PPIL4: variants seen among roughly 807,000 people sequenced by gnomAD.
PPIL4 encodes peptidylprolyl isomerase like 4.
In PPIL4, 50 loss-of-function variants were observed where a neutral mutation model predicts 69.1. The observed-to-expected ratio is 0.72, with a 90% CI of 0.58 to 0.92. The LOEUF is 0.92. PPIL4 is among the 40% of genes least tolerant of loss of function. PPIL4 has a pLI of 0.00. For missense variants in PPIL4, 480 were observed against 587.9 expected, an observed-to-expected ratio of 0.82 and a Z score of 1.90; for synonymous variants, 193 against 191.6, an observed-to-expected ratio of 1.01 and a Z score of -0.06.
chr6:149,535,604 C>T lies in PPIL4; in HGVS notation c.456G>A (p.Gln152=). Residue 152 remains glutamine (Q), a synonymous_variant, in exon 5 of 13, where the codon CAG becomes CAA. Transcript: ENST00000253329. Reference sequence around the variant, plus strand: ...GCAAATTGTAACCATACCTGATATCCTGATATGGTACAAAGTCCTTGTCAA... The same window carrying T: ...GCAAATTGTAACCATACCTGATATCTTGATATGGTACAAAGTCCTTGTCAA... The part of the protein sequence containing the change: ...TFVDKDFVPY[Q]DIRINHTVIL... 6.2e-7 allele frequency: 1 copy of T among 1,609,892 alleles called. No individual in the cohort carries two copies. Among genetic ancestry groups the T allele is most frequent in the South Asian group, 1.1e-5 (1 of 90,318 alleles).
At chr6:149,538,073 C>T (rs1273438312) in intron 4 of PPIL4, among the ~76,000 whole-genome samples, 1 of 151,850 alleles carries the variant, frequency 6.6e-6, no homozygotes. Context: ...CTGGCCAACA[C>T]AGTCAACATG....
intron 10 of PPIL4, among the ~76,000 whole-genome samples, chr6:149,519,993 C>T (rs1317107132): frequency 6.6e-4 from 100 of 152,234 alleles, no homozygotes; most frequent in Non-Finnish European, 2.9e-5. Flanking sequence ...ATGTATTTGA[C>T]ATATATGTAT....
At chr6:149,516,904 T>C in intron 11 of PPIL4, 1 of 152,616 alleles carries the variant, frequency 6.6e-6, no homozygotes, top group Non-Finnish European at 1.5e-5. Flanking sequence ...ATAATAAATT[T>C]CAGATTATGA....
chr6:149,514,774 G>A (rs1289071242), intron 11 of PPIL4, among the ~76,000 whole-genome samples: 2 of 151,466 alleles, frequency 1.3e-5, no homozygotes, highest in Non-Finnish European at 2.9e-5. Context: ...AAGTGTGTGT[G>A]TGTGTGTGTG....
intron 1 of PPIL4, among the ~76,000 whole-genome samples, 197 bp from the exon 2 acceptor site, chr6:149,541,783 G>A (rs1777367411): frequency 6.6e-6 from 1 of 152,200 alleles, no homozygotes; most frequent in East Asian, 1.9e-4. Context: ...GCGGAGGTGA[G>A]TGGATCACTT....
At chr6:149,520,581 G>GCACACA (rs34268228) in intron 10 of PPIL4, among the ~76,000 whole-genome samples, 1 of 149,638 alleles carries the variant, frequency 6.7e-6, no homozygotes, top group African/African-American at 2.5e-5. Context: ...GCATGTGTGT[G>GCACACA]CACACACACA....
chr6:149,545,549 A>G (rs1424395508), intron 1 of PPIL4, among the ~76,000 whole-genome samples: 1 of 152,084 alleles, frequency 6.6e-6, no homozygotes, highest in African/African-American at 2.4e-5. Flanking sequence ...TCAAGATTTA[A>G]CCGATTACAC....
chr6:149,530,370 G>A (rs1253795233), intron 7 of PPIL4, among the ~76,000 whole-genome samples: 3 of 152,054 alleles, frequency 2.0e-5, no homozygotes, highest in African/African-American at 4.8e-5. Flanking sequence ...AGTTAAGAAG[G>A]GAGGGCTCAG....
intron 4 of PPIL4, among the ~76,000 whole-genome samples, chr6:149,538,850 CTT>C (rs200357689): frequency 1.4e-5 from 2 of 145,056 alleles, no homozygotes. Context: ...GGTTTTCTTC[CTT>C]TTTTTTTTTT....
intron 7 of PPIL4, among the ~76,000 whole-genome samples, chr6:149,532,791 GAAC>G (rs1777218919): frequency 6.6e-6 from 1 of 152,070 alleles, no homozygotes; most frequent in African/African-American, 2.4e-5. Flanking sequence ...ACTCCAGCCT[GAAC>G]AACAGAGTGA....
intron 10 of PPIL4, among the ~76,000 whole-genome samples, chr6:149,518,316 T>C (rs1273063095): frequency 6.6e-6 from 1 of 152,146 alleles, no homozygotes; most frequent in Non-Finnish European, 1.5e-5. Flanking sequence ...TTTTCAAGTC[T>C]CCTACCAGAT....
intron 12 of PPIL4, among the ~76,000 whole-genome samples, chr6:149,509,684 A>T (rs1776814560): frequency 6.6e-6 from 1 of 152,194 alleles, no homozygotes; most frequent in African/African-American, 2.4e-5. Context: ...AGAGTTTAGG[A>T]AAGAAAACTG....
chr6:149,506,206 C>T (rs559438946), intron 12 of PPIL4, among the ~76,000 whole-genome samples: 3 of 152,250 alleles, frequency 2.0e-5, no homozygotes, highest in Non-Finnish European at 2.9e-5. Flanking sequence ...AGGCTGGATG[C>T]GGTGGCTCAC....
At position 149,525,131 on chromosome 6, in the gene PPIL4, AT is replaced by A; in HGVS notation, c.870+11del. 7.2e-7 allele frequency: 1 copy of A among 1,394,780 alleles called. No homozygotes were observed. Among genetic ancestry groups the A allele is most frequent in the Non-Finnish European group, 1.0e-6 (1 of 998,780 alleles). 86.4% of individuals were successfully genotyped at this position (1,394,780 alleles called of 1,614,324 possible). A position where few individuals can be genotyped will look rare whatever the true frequency, so the allele number is the denominator to read the frequency against. Reference sequence around the variant, plus strand: ...AAATAAATACCAAACTTATGTCTGTATTATGACATACCTTTTCAAATTCAAT... The same window carrying A: ...AAATAAATACCAAACTTATGTCTGTATATGACATACCTTTTCAAATTCAAT... On this transcript the variant is annotated intron_variant, in intron 9 of 12. Coordinates refer to ENST00000253329, the MANE Select transcript of PPIL4 (RefSeq NM_139126.4).
Position 149,545,955 on chromosome 6 carries a change from G to A in PPIL4, c.51C>T (p.Tyr17=), listed in dbSNP as rs1777434611. ...CCTCACCACGCGGCCGTTCTTCGGT[G>A]TACAAGTCGATGACGACGTCGCCTA... The part of the protein sequence containing the change: ...TTLGDVVIDL[Y]TEERPRACLN... Residue 17 remains tyrosine (Y), a synonymous_variant, in exon 1 of 13, where the codon TAC becomes TAT. Coordinates refer to ENST00000253329, the MANE Select transcript of PPIL4 (RefSeq NM_139126.4). 3 of 1,590,586 alleles carry A rather than the reference G, an allele frequency of 1.9e-6. No homozygotes were observed. The highest frequency in any genetic ancestry group is 2.6e-6 in the Non-Finnish European group (3 of 1,166,294).
At chr6:149,533,308 A>G (rs1016320490) in intron 7 of PPIL4, 150 bp downstream of exon 7, 12 of 566,334 alleles carry the variant, frequency 2.1e-5, no homozygotes, top group African/African-American at 5.7e-5. Flanking sequence ...AGTAGAGCCA[A>G]TTTATTACTA....
In PPIL4 at chr6:149,505,027, A is replaced by C. The variant is rs1256627795; in HGVS notation, c.*426T>G. The C allele has an allele frequency of 6.5e-6, 1 of 154,328 alleles. No homozygotes were observed. Among genetic ancestry groups the C allele is most frequent in the Non-Finnish European group, 1.4e-5 (1 of 69,588 alleles). 9.6% of individuals were successfully genotyped at this position (154,328 alleles called of 1,614,324 possible). ...AAACTATAATAGACAAATGACAAAC[A>C]CAAAATTCCAAATAATTATTTGAGA... On this transcript the variant is annotated 3_prime_UTR_variant, in exon 13 of 13. Coordinates refer to ENST00000253329, the MANE Select transcript of PPIL4 (RefSeq NM_139126.4).
In PPIL4 at chr6:149,535,619, G is replaced by C. The variant is rs115307830; in HGVS notation, c.441C>G (p.Asp147Glu). 6.8e-5 allele frequency: 109 copies of C among 1,612,374 alleles called. No individual in the cohort carries two copies. In the African/African-American group the frequency reaches 1.3e-3, roughly 20 times the overall value. ...ACCTGATATCCTGATATGGTACAAA[G>C]TCCTTGTCAACAAAGGTCTCATTAA... ...KKINETFVDK[D>E]FVPYQDIRIN... The change falls in exon 5 of 13, where the codon GAC (aspartate) becomes GAG (glutamate). Residue 147 changes from aspartate to glutamate, a missense_variant. Physicochemically the swap from Asp to Glu is conservative, Grantham distance 45. Transcript: ENST00000253329.
At chr6:149,520,583 A>G (rs200078802) in intron 10 of PPIL4, among the ~76,000 whole-genome samples, 22 of 87,890 alleles carry the variant, frequency 2.5e-4, no homozygotes, top group African/African-American at 4.7e-4. Context: ...ATGTGTGTGC[A>G]CACACACACA....
Sources: allele counts gnomAD v4.1 joint callset (sites outside exome capture counted in the v4.1 genomes callset), GRCh38; gene constraint gnomAD v4.1.1; transcripts MANE v1.5; gene names NCBI Gene and HGNC (gene_info 2026-07-23, HGNC 2026-07-21).